The following TFPI variants were observed in gnomAD, a reference collection of about 807,000 sequenced individuals.
The protein encoded by TFPI is anti-convertin.
In TFPI, 15 loss-of-function variants were observed where a neutral mutation model predicts 34.6. The ratio of observed to expected loss-of-function variants is 0.43; its 90% CI spans 0.29 to 0.67. The LOEUF (loss-of-function observed/expected upper bound fraction) is 0.67, where lower values mean the gene tolerates loss of function less well. TFPI is among the 30% of genes least tolerant of loss of function. The pLI is 0.15. For synonymous variants in TFPI, 105 were observed against 120.1 expected (o/e 0.87, Z 0.82); for missense variants, 301 against 364.0 (o/e 0.83, Z 1.41).
intron 1 of TFPI, among the ~76,000 whole-genome samples, chr2:187,537,609 A>C (rs893164740): frequency 6.6e-6 from 1 of 152,244 alleles, no homozygotes; most frequent in African/African-American, 2.4e-5. Context: ...TAAATACTTA[A>C]ATGTAAGTCC....
At chr2:187,537,224 G>C (rs1164996107) in intron 1 of TFPI, among the ~76,000 whole-genome samples, 1 of 152,014 alleles carries the variant, frequency 6.6e-6, no homozygotes, top group African/African-American at 2.4e-5. Flanking sequence ...TCACATATTA[G>C]AAAAAGCAAA....
chr2:187,540,415 T>C (rs191585906), intron 1 of TFPI, among the ~76,000 whole-genome samples: 44 of 152,226 alleles, frequency 2.9e-4, no homozygotes, highest in Middle Eastern at 6.8e-3. Context: ...AGCTGTGAAC[T>C]GGAAGGAAAT....
At chr2:187,529,793 G>T (rs1288172889) in intron 1 of TFPI, among the ~76,000 whole-genome samples, 1 of 152,150 alleles carries the variant, frequency 6.6e-6, no homozygotes, top group Non-Finnish European at 1.5e-5. Context: ...GCCCTAGAGT[G>T]CACTTTCTAA....
intron 1 of TFPI, among the ~76,000 whole-genome samples, chr2:187,506,044 G>A (rs555731438): frequency 4.3e-4 from 66 of 151,952 alleles, no homozygotes; most frequent in African/African-American, 1.5e-3. Flanking sequence ...AATTGCAGGA[G>A]GAATCAAATA....
intron 2 of TFPI, among the ~76,000 whole-genome samples, chr2:187,497,400 A>G (rs963527573): frequency 6.6e-6 from 1 of 152,034 alleles, no homozygotes; most frequent in Non-Finnish European, 1.5e-5. Context: ...GCTAATGGAC[A>G]GTTCTTTGAA....
At chr2:187,489,897 G>T (rs1293536005) in intron 3 of TFPI, among the ~76,000 whole-genome samples, 1 of 151,478 alleles carries the variant, frequency 6.6e-6, no homozygotes, top group Non-Finnish European at 1.5e-5. Context: ...AGTTAGAAAA[G>T]ATTTACAGCA....
At chr2:187,488,515 TTC>T (rs1411725800) in intron 3 of TFPI, 140 bp from the exon 4 acceptor site, 2 of 493,420 alleles carry the variant, frequency 4.1e-6, no homozygotes, top group Non-Finnish European at 6.8e-6. Context: ...AAAATTGAAT[TTC>T]TTTTTCTTTT....
At chr2:187,477,017 T>C (rs1692420854) in intron 6 of TFPI, among the ~76,000 whole-genome samples, 1 of 151,558 alleles carries the variant, frequency 6.6e-6, no homozygotes, top group African/African-American at 2.4e-5. Context: ...AAGTCTGTGA[T>C]TTTTTTTCCT....
chr2:187,469,671 A>G (rs1340042647), intron 6 of TFPI, among the ~76,000 whole-genome samples: 1 of 152,096 alleles, frequency 6.6e-6, no homozygotes, highest in African/African-American at 2.4e-5. Context: ...ACTAACTGTC[A>G]TCTTCATGTT....
intron 2 of TFPI, among the ~76,000 whole-genome samples, chr2:187,502,980 A>G (rs1392440262): frequency 2.0e-5 from 3 of 152,156 alleles, no homozygotes; most frequent in Non-Finnish European, 2.9e-5. Context: ...ATTAATACCA[A>G]TGCTTGAGAT....
chr2:187,478,835 G>T, intron 6 of TFPI: 1 of 1,570,054 alleles, frequency 6.4e-7, no homozygotes, highest in East Asian at 2.2e-5. Context: ...AATAAAAAAT[G>T]TGAGTCATCT....
intron 1 of TFPI, among the ~76,000 whole-genome samples, chr2:187,522,813 C>T (rs887276249): frequency 6.6e-6 from 1 of 150,820 alleles, no homozygotes; most frequent in African/African-American, 2.4e-5. Context: ...ATGGCGTGAA[C>T]CCGGGAGGTA....
intron 1 of TFPI, chr2:187,519,725 G>C (rs1332962398): frequency 6.6e-6 from 1 of 152,380 alleles, no homozygotes; most frequent in Non-Finnish European, 1.5e-5. Context: ...GTACATTTAA[G>C]TCTGCTGAAG....
At chr2:187,491,653 G>A (rs1685130632) in intron 3 of TFPI, among the ~76,000 whole-genome samples, 1 of 152,012 alleles carries the variant, frequency 6.6e-6, no homozygotes, top group Admixed American at 6.6e-5. Flanking sequence ...AAATAGTGCT[G>A]TGCTAAACAT....
chr2:187,473,019 AAAAG>A (rs1692148113), intron 6 of TFPI, among the ~76,000 whole-genome samples: 3 of 152,194 alleles, frequency 2.0e-5, no homozygotes, highest in South Asian at 2.1e-4. Context: ...TCTCGAAAAA[AAAAG>A]AAAGAAAAAC....
chr2:187,477,644 A>G (rs1012041701), intron 6 of TFPI, among the ~76,000 whole-genome samples: 2 of 152,192 alleles, frequency 1.3e-5, no homozygotes, highest in African/African-American at 4.8e-5. Flanking sequence ...TAACAAGGAG[A>G]TAATAACAAT....
chr2:187,542,891 G>A lies in TFPI; in HGVS notation c.-3+11309C>T, dbSNP rs533508257. Reference sequence around the variant, plus strand: ...CAAAAAAAAAAAAAAAAAAATCTGGGCTGCTGGAATCCCAACTATAAATTA... The same window carrying A: ...CAAAAAAAAAAAAAAAAAAATCTGGACTGCTGGAATCCCAACTATAAATTA... On this transcript the variant is annotated intron_variant, in intron 1 of 7. Transcript: ENST00000233156. Among the ~76,000 whole-genome samples the A allele has an allele frequency of 2.0e-5, 3 of 151,306 alleles. No individual in the cohort carries two copies. The East Asian group carries it at 5.8e-4, about 29-fold the overall frequency.
intron 7 of TFPI, 67 bp from the exon 8 acceptor site, chr2:187,467,109 C>A: frequency 1.9e-6 from 2 of 1,053,732 alleles, no homozygotes; most frequent in Admixed American, 3.0e-5. Flanking sequence ...TATCTAAAAT[C>A]TTCTCAAAGT....
rs895011126 is a variant in TFPI at position 187,484,848 on chromosome 2, C to T, written c.498G>A (p.Glu166=). ...AAATGTTCTTGCATTCTTCCAGTGT[C>T]TCAAAATTGTTCATATTGCCCAGGC... ...GGCLGNMNNF[E]TLEECKNICE... Residue 166 remains glutamate (E), a synonymous_variant, in exon 5 of 8, where the codon GAG becomes GAA. Coordinates refer to ENST00000233156, the MANE Select transcript of TFPI (RefSeq NM_006287.6). The T allele has an allele frequency of 1.3e-6, 2 of 1,591,902 alleles. No individual in the cohort carries two copies. The highest frequency in any genetic ancestry group is 2.7e-5 in the African/African-American group (2 of 73,604).
Sources: gnomAD v4.1 joint callset for allele counts (sites outside exome capture counted in the v4.1 genomes callset) on GRCh38, gnomAD v4.1.1 for gene constraint, MANE v1.5 for transcripts, NCBI Gene and HGNC (gene_info 2026-07-23, HGNC 2026-07-21) for gene names.